Variants in RBKS observed in about 807,000 individuals in gnomAD.
RBKS encodes ribokinase.
RBKS carries 33 observed loss-of-function variants against 33.9 expected under a neutral mutation model. That is an observed-to-expected ratio of 0.97 (90% confidence interval 0.74 to 1.30). The LOEUF (loss-of-function observed/expected upper bound fraction) is 1.30, where lower values mean the gene tolerates loss of function less well. Ranked by LOEUF, RBKS falls within the 50% of genes most tolerant of loss-of-function variation. The pLI is 0.00. For synonymous variants in RBKS, 125 were observed against 143.0 expected, an observed-to-expected ratio of 0.87 and a Z score of 0.90; for missense variants, 361 against 392.6, an observed-to-expected ratio of 0.92 and a Z score of 0.68.
chr2:27,840,082 C>T lies in RBKS; in HGVS notation c.514+2985G>A, dbSNP rs142954743. Among the ~76,000 whole-genome samples the T allele has an allele frequency of 5.1e-3, 761 of 147,844 alleles. 7 individuals carry two copies. The highest frequency in any genetic ancestry group is 0.017 in the African/African-American group (693 of 39,796). ...TCACCCAGGCTGGAGTGGAGTGGCG[C>T]GATCTCAGCTCACTGCAAGTTCCGC... is the stretch of plus-strand genomic sequence containing the variant. On this transcript the variant is annotated intron_variant, in intron 5 of 7. Coordinates refer to ENST00000302188, the MANE Select transcript of RBKS (RefSeq NM_022128.3).
chr2:27,806,388 T>C (rs1442327682), intron 7 of RBKS, among the ~76,000 whole-genome samples: 2 of 152,218 alleles, frequency 1.3e-5, no homozygotes, highest in Admixed American at 1.3e-4. Context: ...CCTGACATAA[T>C]GTTCAGGCTA....
intron 7 of RBKS, among the ~76,000 whole-genome samples, chr2:27,817,876 A>C (rs993671794): frequency 6.6e-6 from 1 of 152,182 alleles, no homozygotes; most frequent in Non-Finnish European, 1.5e-5. Flanking sequence ...TATCACAAGA[A>C]TAGCATGGCG....
intron 7 of RBKS, among the ~76,000 whole-genome samples, chr2:27,788,472 G>A (rs545434388): frequency 6.6e-6 from 1 of 152,314 alleles, no homozygotes; most frequent in African/African-American, 2.4e-5. Context: ...TTCGGAGGCC[G>A]AGACGGGTGG....
intron 1 of RBKS, among the ~76,000 whole-genome samples, chr2:27,865,654 G>A (rs1664086555): frequency 7.1e-6 from 1 of 141,508 alleles, no homozygotes; most frequent in Non-Finnish European, 1.5e-5. Context: ...CCTAAAGTGA[G>A]CCTCCTACCT....
At chr2:27,811,526 G>C (rs1029932922) in intron 7 of RBKS, among the ~76,000 whole-genome samples, 18 of 152,126 alleles carry the variant, frequency 1.2e-4, no homozygotes, top group South Asian at 2.1e-4. Context: ...ACGATGCTCT[G>C]AGAATAAGAT....
intron 7 of RBKS, among the ~76,000 whole-genome samples, chr2:27,797,741 A>T (rs1677689566): frequency 6.6e-6 from 1 of 152,156 alleles, no homozygotes. Flanking sequence ...GGAGAGGAGC[A>T]GGGGTACAAA....
intron 7 of RBKS, among the ~76,000 whole-genome samples, chr2:27,826,770 C>CT (rs993615766): frequency 1.3e-5 from 2 of 152,080 alleles, no homozygotes; most frequent in African/African-American, 4.8e-5. Context: ...AACCATGAGT[C>CT]TTTTTTCTAA....
intron 7 of RBKS, among the ~76,000 whole-genome samples, chr2:27,782,187 G>C (rs961360679): frequency 6.6e-6 from 1 of 150,930 alleles, no homozygotes; most frequent in African/African-American, 2.4e-5. Flanking sequence ...AAAGAGACAT[G>C]GTCTCGCTCT....
At chr2:27,875,455 A>G (rs1664293743) in intron 1 of RBKS, among the ~76,000 whole-genome samples, 1 of 152,202 alleles carries the variant, frequency 6.6e-6, no homozygotes, top group Non-Finnish European at 1.5e-5. Context: ...CAGAAGGCTG[A>G]GGTGGGAGGA....
intron 7 of RBKS, among the ~76,000 whole-genome samples, chr2:27,792,514 T>C (rs1366785521): frequency 1.3e-5 from 2 of 152,252 alleles, no homozygotes; most frequent in Non-Finnish European, 2.9e-5. Flanking sequence ...TAATTAAAAG[T>C]TGATGGCTTT....
In RBKS at chr2:27,781,796, T is replaced by A. The variant is rs1166384760; in HGVS notation, c.796-8A>T. 2.5e-6 allele frequency: 4 copies of A among 1,604,744 alleles called. No homozygotes were observed. Among genetic ancestry groups the A allele is most frequent in the Admixed American group, 1.7e-5 (1 of 58,222 alleles). ...AAAGCTGTCACCAGCACCCTGTAAT[T>A]GAAAGCACAGTTTTGAAGATAAGCA... On this transcript the variant is annotated splice_polypyrimidine_tract_variant and splice_region_variant and intron_variant, in intron 7 of 7. Coordinates refer to ENST00000302188, the MANE Select transcript of RBKS (RefSeq NM_022128.3).
intron 1 of RBKS, among the ~76,000 whole-genome samples, chr2:27,869,036 G>C (rs1573074489): frequency 6.6e-6 from 1 of 152,202 alleles, no homozygotes; most frequent in South Asian, 2.1e-4. Context: ...CACAGATAAG[G>C]AGAATGAAAA....
chr2:27,801,963 A>AAAATATATAT (rs1308232858), intron 7 of RBKS, among the ~76,000 whole-genome samples: 3 of 47,612 alleles, frequency 6.3e-5, no homozygotes, highest in Non-Finnish European at 1.2e-4. Context: ...AAAAAAAAAA[A>AAAATATATAT]ATATATATAT....
At chr2:27,840,354 ACGCGCGCG>A (rs1287898321) in intron 5 of RBKS, among the ~76,000 whole-genome samples, 13 of 108,408 alleles carry the variant, frequency 1.2e-4, no homozygotes, top group African/African-American at 1.7e-4. Context: ...ACACACACAC[ACGCGCGCG>A]CGCACACACA....
rs28528179 is a variant in RBKS, at chr2:27,821,804, T to C, written c.795+5763A>G. 3.6e-3 allele frequency among the ~76,000 whole-genome samples: 546 copies of C among 152,182 alleles called. 5 individuals are homozygous for C. Among genetic ancestry groups the C allele is most frequent in the African/African-American group, 0.013 (526 of 41,522 alleles). Reference sequence around the variant, plus strand: ...ACAGTCACTTCTTGGATAAGAAAAATTGACAGTGCAGTTCAAAATTAGCCT... The same window carrying C: ...ACAGTCACTTCTTGGATAAGAAAAACTGACAGTGCAGTTCAAAATTAGCCT... On this transcript the variant is annotated intron_variant, in intron 7 of 7. Coordinates refer to ENST00000302188, the MANE Select transcript of RBKS (RefSeq NM_022128.3).
At chr2:27,807,619 G>T (rs992646521) in intron 7 of RBKS, among the ~76,000 whole-genome samples, 1 of 152,100 alleles carries the variant, frequency 6.6e-6, no homozygotes, top group Admixed American at 6.5e-5. Flanking sequence ...CGATCCTCTT[G>T]TCTTGGCCTC....
At chr2:27,839,081 G>A (rs1663404819) in intron 5 of RBKS, among the ~76,000 whole-genome samples, 1 of 152,146 alleles carries the variant, frequency 6.6e-6, no homozygotes, top group African/African-American at 2.4e-5. Context: ...AGCATGTTGG[G>A]ACACTCAAAA....
intron 7 of RBKS, among the ~76,000 whole-genome samples, chr2:27,799,823 T>C (rs1677739196): frequency 6.6e-6 from 1 of 152,152 alleles, no homozygotes; most frequent in Non-Finnish European, 1.5e-5. Context: ...ATACTTAGGC[T>C]GGCCCAGGGG....
intron 7 of RBKS, among the ~76,000 whole-genome samples, chr2:27,816,603 G>GTGTTTTTT (rs371096987): frequency 2.0e-5 from 3 of 151,344 alleles, no homozygotes; most frequent in African/African-American, 4.9e-5. Flanking sequence ...CTAAGGATAT[G>GTGTTTTTT]TGTTTTTTTG....
Sources: gnomAD v4.1 joint callset for allele counts (sites outside exome capture counted in the v4.1 genomes callset) on GRCh38, gnomAD v4.1.1 for gene constraint, MANE v1.5 for transcripts, NCBI Gene and HGNC (gene_info 2026-07-23, HGNC 2026-07-21) for gene names.